Variants in FGF12 observed in about 807,000 individuals in gnomAD.
FGF12 encodes the protein fibroblast growth factor 12.
FGF12 carries 14 observed loss-of-function variants against 23.6 expected under a neutral mutation model. That is an observed-to-expected ratio of 0.59 (90% CI 0.39 to 0.93). The LOEUF is 0.93. FGF12 is among the 40% of genes least tolerant of loss of function. The pLI, the probability that FGF12 is intolerant of heterozygous loss-of-function variation, is 0.00. For missense variants in FGF12, 175 were observed against 217.8 expected (o/e 0.80, Z 1.24); for synonymous variants, 62 against 77.3 (o/e 0.80, Z 1.04).
intron 2 of FGF12, among the ~76,000 whole-genome samples, chr3:192,649,123 A>T (rs1414202463): frequency 6.6e-6 from 1 of 152,106 alleles, no homozygotes; most frequent in East Asian, 1.9e-4. Context: ...TTAGCTCTCA[A>T]ATCAATACGC....
At chr3:192,376,352 AT>A (rs1719500661) in intron 2 of FGF12, among the ~76,000 whole-genome samples, 1 of 150,938 alleles carries the variant, frequency 6.6e-6, no homozygotes, top group Non-Finnish European at 1.5e-5. Flanking sequence ...TTATTTATTT[AT>A]TTATTTATTT....
At chr3:192,368,103 C>T (rs1719064738) in intron 2 of FGF12, among the ~76,000 whole-genome samples, 3 of 152,114 alleles carry the variant, frequency 2.0e-5, no homozygotes, top group Non-Finnish European at 4.4e-5. Context: ...CACCTCCCTC[C>T]CCTTCCAAAA....
chr3:192,404,980 T>C (rs148711390), intron 2 of FGF12, among the ~76,000 whole-genome samples: 1 of 144,772 alleles, frequency 6.9e-6, no homozygotes, highest in Admixed American at 6.7e-5. Flanking sequence ...ATCCAGTTAT[T>C]TACACTAGTT....
At chr3:192,607,769 G>A (rs970850270) in intron 2 of FGF12, among the ~76,000 whole-genome samples, 2 of 150,628 alleles carry the variant, frequency 1.3e-5, no homozygotes, top group African/African-American at 4.9e-5. Context: ...TTCGTTGGTG[G>A]AAATTTTCTT....
chr3:192,482,251 T>C (rs1723501039), intron 2 of FGF12, among the ~76,000 whole-genome samples: 1 of 152,118 alleles, frequency 6.6e-6, no homozygotes, highest in South Asian at 2.1e-4. Flanking sequence ...ATTCATATAT[T>C]ATTTAAGATT....
chr3:192,239,177 G>C (rs1438263690), intron 4 of FGF12, among the ~76,000 whole-genome samples: 1 of 152,150 alleles, frequency 6.6e-6, no homozygotes, highest in African/African-American at 2.4e-5. Context: ...TACATAAAAA[G>C]CTAGCTCTTT....
chr3:192,412,435 A>C (rs1214254901), intron 2 of FGF12, among the ~76,000 whole-genome samples: 7 of 152,250 alleles, frequency 4.6e-5, no homozygotes, highest in Non-Finnish European at 8.8e-5. Flanking sequence ...AGGCATTTAA[A>C]GAACAGAACA....
chr3:192,639,528 A>C (rs1237663252), intron 2 of FGF12, among the ~76,000 whole-genome samples: 1 of 152,254 alleles, frequency 6.6e-6, no homozygotes, highest in East Asian at 1.9e-4. Flanking sequence ...TATTCACAAT[A>C]GCCAAGATAT....
intron 2 of FGF12, among the ~76,000 whole-genome samples, chr3:192,478,575 CAA>C (rs1371045440): frequency 1.3e-5 from 2 of 151,990 alleles, no homozygotes; most frequent in East Asian, 1.9e-4. Flanking sequence ...TATAACTTTT[CAA>C]AGAGTCTACT....
At chr3:192,574,318 A>G (rs981070518) in intron 2 of FGF12, among the ~76,000 whole-genome samples, 1 of 152,242 alleles carries the variant, frequency 6.6e-6, no homozygotes, top group Non-Finnish European at 1.5e-5. Flanking sequence ...TATATAATGA[A>G]GCCTCAATTC....
chr3:192,312,291 T>G (rs1715989909), intron 4 of FGF12, among the ~76,000 whole-genome samples: 1 of 152,184 alleles, frequency 6.6e-6, no homozygotes, highest in Non-Finnish European at 1.5e-5. Context: ...TTTATGGTCT[T>G]AGCTCTAAAA....
chr3:192,704,712 A>C (rs1718412312), intron 2 of FGF12, among the ~76,000 whole-genome samples: 1 of 152,202 alleles, frequency 6.6e-6, no homozygotes, highest in Non-Finnish European at 1.5e-5. Context: ...CTCACTATGA[A>C]AGTTGTAGTT....
In FGF12 at chr3:192,336,356, G is replaced by A. The variant is rs911078418; in HGVS notation, c.125-892C>T. 9.2e-5 allele frequency among the ~76,000 whole-genome samples: 14 copies of A among 151,924 alleles called. No homozygotes were observed. The highest frequency in any genetic ancestry group is 2.2e-4 in the African/African-American group (9 of 41,446). ...ATATGTCCACTTAGAGAAGGAATTCGTAGATCAGAAAAAAAGATACCTAAG... is the reference window on the plus strand; with the variant it reads ...ATATGTCCACTTAGAGAAGGAATTCATAGATCAGAAAAAAAGATACCTAAG... On this transcript the variant is annotated intron_variant, in intron 3 of 5. Transcript: ENST00000445105. This position sits in a 1 kb window ranked among gnomAD's most constrained non-coding sequence, Gnocchi z 4.3.
intron 4 of FGF12, among the ~76,000 whole-genome samples, chr3:192,280,835 G>A (rs1008985019): frequency 3.9e-5 from 6 of 152,094 alleles, no homozygotes; most frequent in African/African-American, 9.7e-5. Flanking sequence ...TAGTTCAAAT[G>A]TTTGAGGCTT....
At chr3:192,592,807 C>A (rs1713683303) in intron 2 of FGF12, among the ~76,000 whole-genome samples, 1 of 151,858 alleles carries the variant, frequency 6.6e-6, no homozygotes, top group Non-Finnish European at 1.5e-5. Flanking sequence ...CTCAGTACAC[C>A]TCAGCTCGAC....
chr3:192,147,549 A>G (rs958776017), intron 5 of FGF12, among the ~76,000 whole-genome samples: 2 of 152,240 alleles, frequency 1.3e-5, no homozygotes, highest in African/African-American at 2.4e-5. Flanking sequence ...CATGATGTAT[A>G]TAGCAGCCTC....
At chr3:192,614,312 C>T (rs1047828666) in intron 2 of FGF12, among the ~76,000 whole-genome samples, 4 of 151,590 alleles carry the variant, frequency 2.6e-5, no homozygotes, top group Non-Finnish European at 4.4e-5. Context: ...GCTCATCTGC[C>T]CTTGTATTTC....
chr3:192,607,606 T>C (rs1367360782), intron 2 of FGF12, among the ~76,000 whole-genome samples: 1 of 152,154 alleles, frequency 6.6e-6, no homozygotes, highest in Admixed American at 6.6e-5. Context: ...AGTTCCTTTG[T>C]TGGAGTAAAA....
chr3:192,416,396 A>T (rs1352865828), intron 2 of FGF12, among the ~76,000 whole-genome samples: 2 of 152,170 alleles, frequency 1.3e-5, no homozygotes, highest in Non-Finnish European at 2.9e-5. Flanking sequence ...CGTCTGCCTG[A>T]GTTGAAGTTT....
Sources: allele counts gnomAD v4.1 joint callset (sites outside exome capture counted in the v4.1 genomes callset), GRCh38; gene constraint gnomAD v4.1.1; non-coding constraint Gnocchi (gnomAD v3.1); transcripts MANE v1.5; gene names NCBI Gene and HGNC (gene_info 2026-07-23, HGNC 2026-07-21).